ARHGEF10: variants seen among roughly 807,000 people sequenced by gnomAD.
The protein encoded by ARHGEF10 is Rho guanine nucleotide exchange factor (GEF) 10.
Under a neutral mutation model 147.4 loss-of-function variants are expected in ARHGEF10, and 140 were observed. The observed-to-expected ratio is 0.95, with a 90% confidence interval of 0.83 to 1.09. ARHGEF10 has a LOEUF of 1.09. ARHGEF10 is among the 50% of genes least tolerant of loss of function. The probability of loss-of-function intolerance (pLI) is 0.00; values close to 1 mark genes in which losing one functional copy is unlikely to be tolerated. For synonymous variants in ARHGEF10, 902 were observed against 695.8 expected (o/e 1.30, Z -4.67); for missense variants, 2,222 against 1,752.7 (o/e 1.27, Z -4.78).
chr8:1,940,263 C>T (rs1342614082), intron 26 of ARHGEF10, among the ~76,000 whole-genome samples: 1 of 152,178 alleles, frequency 6.6e-6, no homozygotes, highest in Non-Finnish European at 1.5e-5. Flanking sequence ...CTGCCCCAAA[C>T]AGTTTTCCAG....
intron 26 of ARHGEF10, among the ~76,000 whole-genome samples, chr8:1,934,354 C>CAAAAA (rs36102342): frequency 8.5e-6 from 1 of 117,424 alleles, no homozygotes. Flanking sequence ...ACCCTGTCTC[C>CAAAAA]AAAAAAAAAA....
chr8:1,842,785 G>C (rs1016815810), intron 1 of ARHGEF10, among the ~76,000 whole-genome samples: 1 of 152,358 alleles, frequency 6.6e-6, no homozygotes, highest in Admixed American at 6.5e-5. Flanking sequence ...TGTCCTCGAA[G>C]CAGGGAGGGA....
chr8:1,880,223 G>A (rs560677516), intron 9 of ARHGEF10, 59 bp downstream of exon 9: 20 of 1,223,914 alleles, frequency 1.6e-5, no homozygotes, highest in South Asian at 7.2e-5. Flanking sequence ...AAGAAAAACC[G>A]CGCGGCTCGG....
At chr8:1,850,406 T>C (rs1203856648) in intron 2 of ARHGEF10, among the ~76,000 whole-genome samples, 124 of 67,582 alleles carry the variant, frequency 1.8e-3, no homozygotes, top group African/African-American at 3.2e-3. Flanking sequence ...CTGAGGAGGG[T>C]GTGGGGCAAC....
intron 18 of ARHGEF10, among the ~76,000 whole-genome samples, chr8:1,918,325 C>T (rs900739531): frequency 6.6e-5 from 10 of 152,032 alleles, no homozygotes; most frequent in Admixed American, 6.5e-5. Flanking sequence ...TCTGATGATC[C>T]GGCAGACATA....
In ARHGEF10 at chr8:1,929,328, A is replaced by C. The variant is rs1478545939; in HGVS notation, c.2964A>C (p.Arg988Ser). The C allele has an allele frequency of 1.2e-6, 2 of 1,613,898 alleles. No homozygotes were observed. The highest frequency in any genetic ancestry group is 1.7e-6 in the Non-Finnish European group (2 of 1,180,002). ...YKSSQGSKKV[R>S]LQHFFTPEKS... Reference sequence around the variant, plus strand: ...GCAGTCAAGGCTCCAAGAAAGTGAGACTTCAGCACTTTTTCACTCCTGAGA... The same window carrying C: ...GCAGTCAAGGCTCCAAGAAAGTGAGCCTTCAGCACTTTTTCACTCCTGAGA... Residue 988 changes from arginine (R) to serine (S), a missense_variant, in exon 25 of 29, where the codon AGA (arginine) becomes AGC (serine). Physicochemically the swap from Arg to Ser is moderately radical, Grantham distance 110. Coordinates refer to ENST00000349830, the MANE Select transcript of ARHGEF10 (RefSeq NM_014629.4).
intron 1 of ARHGEF10, chr8:1,826,082 GTTA>G: frequency 6.3e-7 from 1 of 1,591,426 alleles, no homozygotes; most frequent in East Asian, 2.2e-5. Context: ...AACATCGGCA[GTTA>G]CGGATGCATA....
chr8:1,863,186 C>T (rs565878333), intron 4 of ARHGEF10, among the ~76,000 whole-genome samples: 7 of 152,282 alleles, frequency 4.6e-5, no homozygotes, highest in African/African-American at 7.2e-5. Flanking sequence ...TGCCCTGACA[C>T]CTGCCACTCA....
At chr8:1,858,391 CAG>C (rs1007154846) in intron 3 of ARHGEF10, among the ~76,000 whole-genome samples, 1 of 151,984 alleles carries the variant, frequency 6.6e-6, no homozygotes, top group African/African-American at 2.4e-5. Context: ...TTCTAGGAGC[CAG>C]AGAGTTATGA....
Position 1,849,253 on chromosome 8 carries a change from C to T in ARHGEF10, c.37+5817C>T, listed in dbSNP as rs193132010. On this transcript the variant is annotated intron_variant, in intron 2 of 28. Transcript: ENST00000349830. Reference sequence around the variant, plus strand: ...TGTGGGGCGGCTGCGGGGACACAGACGGCAAATGCTGAGAAGGGCGTAGGG... The same window carrying T: ...TGTGGGGCGGCTGCGGGGACACAGATGGCAAATGCTGAGAAGGGCGTAGGG... Among the ~76,000 whole-genome samples the T allele has an allele frequency of 2.5e-3, 379 of 150,456 alleles. 2 individuals carry two copies. Among genetic ancestry groups the T allele is most frequent in the Admixed American group, 9.2e-3 (139 of 15,160 alleles).
At position 1,903,427 on chromosome 8, in the gene ARHGEF10, C is replaced by G. The variant is rs1810636467; in HGVS notation, c.1797C>G (p.Ala599=). The G allele has an allele frequency of 1.2e-6, 2 of 1,614,074 alleles. No homozygotes were observed. Among genetic ancestry groups the G allele is most frequent in the South Asian group, 1.1e-5 (1 of 91,088 alleles). ...QRCEVKQIAK[A]INERYLNKLL... The stretch of plus-strand genomic sequence containing the variant: ...GTGAAGTGAAGCAAATAGCCAAAGC[C>G]ATAAACGAAAGATACCTGAACAAGG... The change falls in exon 16 of 29, where the codon GCC becomes GCG. Residue 599 remains alanine, a synonymous_variant. Transcript: ENST00000349830.
In ARHGEF10 at chr8:1,905,596, T is replaced by C; in HGVS notation, c.1847T>C (p.Leu616Pro). The change falls in exon 17 of 29, where the codon CTC becomes CCC. Residue 616 changes from leucine to proline, a missense_variant. Physicochemically the swap from Leu to Pro is moderately conservative, Grantham distance 98. Coordinates refer to ENST00000349830, the MANE Select transcript of ARHGEF10 (RefSeq NM_014629.4). ...CTTCTCAGCAGTGGAAGCCGATACC[T>C]CATTCGATCAGATGATATGATAGAA... The part of the protein sequence containing the change: ...NKLLSSGSRY[L>P]IRSDDMIETV... 1 of 1,614,206 alleles carries C rather than the reference T, an allele frequency of 6.2e-7. No individual in the cohort carries two copies. The highest frequency in any genetic ancestry group is 1.7e-5 in the Admixed American group (1 of 60,026).
intron 18 of ARHGEF10, among the ~76,000 whole-genome samples, chr8:1,921,424 T>C (rs1440583634): frequency 4.6e-5 from 7 of 152,168 alleles, no homozygotes. Context: ...TCCTCAAAAT[T>C]ATTAAGAATT....
intron 2 of ARHGEF10, among the ~76,000 whole-genome samples, chr8:1,844,465 T>TCCCTGGGGCCTGGTAGATGACAGAGACGG (rs1329433075): frequency 7.9e-5 from 12 of 151,352 alleles, no homozygotes; most frequent in Admixed American, 2.0e-4. Context: ...AATCCAGGGG[T>TCCCTGGGGCCTGGTAGATGACAGAGACGG]GAGCAGTGGC....
At position 1,876,619 on chromosome 8, in the gene ARHGEF10, GCTC is replaced by G. The variant is rs767842096; in HGVS notation, c.731_733del (p.Ser244del). ...GAGAATGGGGATGAAGGTGGAAACA[GCTC>G]CTTGGAATACGGATGGAGTTCGAGT... On this transcript the variant is annotated inframe_deletion, in exon 8 of 29. Coordinates refer to ENST00000349830, the MANE Select transcript of ARHGEF10 (RefSeq NM_014629.4). The G allele has an allele frequency of 6.2e-7, 1 of 1,614,230 alleles. No individual in the cohort carries two copies. Among genetic ancestry groups the G allele is most frequent in the Admixed American group, 1.7e-5 (1 of 60,036 alleles).
intron 18 of ARHGEF10, among the ~76,000 whole-genome samples, chr8:1,910,132 C>T (rs983716718): frequency 6.6e-6 from 1 of 151,902 alleles, no homozygotes; most frequent in Non-Finnish European, 1.5e-5. Context: ...AAGTTTTATT[C>T]ACTTTTTGGG....
chr8:1,841,605 G>A (rs983939139), intron 1 of ARHGEF10, among the ~76,000 whole-genome samples: 4 of 151,992 alleles, frequency 2.6e-5, no homozygotes, highest in Admixed American at 1.3e-4. Context: ...GGAGTAGGGA[G>A]CAGGGCGTGG....
intron 2 of ARHGEF10, among the ~76,000 whole-genome samples, chr8:1,848,455 G>A (rs1316062400): frequency 6.6e-6 from 1 of 151,220 alleles, no homozygotes; most frequent in Non-Finnish European, 1.5e-5. Flanking sequence ...ATTTGTCCGG[G>A]GGCTTCAGAA....
In ARHGEF10 at chr8:1,905,552, CTG is replaced by C. The variant is rs1407858473; in HGVS notation, c.1822-15_1822-14del. 4.3e-6 allele frequency: 7 copies of C among 1,614,014 alleles called. No individual in the cohort carries two copies. The highest frequency in any genetic ancestry group is 1.6e-4 in the Middle Eastern group (1 of 6,082). ...GGTAAACTGAACTGTGGTCCCTGGG[CTG>C]TGTTTTGAATGTCCAGCTTCTCAGC... On this transcript the variant is annotated splice_polypyrimidine_tract_variant and intron_variant, in intron 16 of 28. Transcript: ENST00000349830.
Sources: allele counts gnomAD v4.1 joint callset (sites outside exome capture counted in the v4.1 genomes callset), GRCh38; gene constraint gnomAD v4.1.1; transcripts MANE v1.5; gene names NCBI Gene and HGNC (gene_info 2026-07-23, HGNC 2026-07-21).